WIPF2: variants seen among roughly 807,000 people sequenced by gnomAD.
The protein encoded by WIPF2 is WAS/WASL interacting protein family member 2.
A neutral mutation model predicts 38.8 loss-of-function variants in WIPF2; 23 were observed. The ratio of observed to expected loss-of-function variants is 0.59; its 90% confidence interval spans 0.43 to 0.84. WIPF2 has a LOEUF of 0.84. Ranked by LOEUF, WIPF2 falls within the 40% of genes least tolerant of loss-of-function variation. The pLI, the probability that WIPF2 is intolerant of heterozygous loss-of-function variation, is 0.00. For synonymous variants in WIPF2, 210 were observed against 223.2 expected (o/e 0.94, Z 0.53); for missense variants, 574 against 580.5 (o/e 0.99, Z 0.11).
intron 1 of WIPF2, among the ~76,000 whole-genome samples, chr17:40,244,885 A>T (rs1039086409): frequency 6.6e-6 from 1 of 151,510 alleles, no homozygotes; most frequent in African/African-American, 2.4e-5. Context: ...AGAGCCAGAT[A>T]CTCTCCCCCA....
chr17:40,228,181 A>G lies in WIPF2; in HGVS notation c.-70+8689A>G, dbSNP rs559309643. Among the ~76,000 whole-genome samples, 452 of 149,838 alleles carry G rather than the reference A, an allele frequency of 3.0e-3. 2 individuals carry two copies. Among genetic ancestry groups the G allele is most frequent in the African/African-American group, 0.011 (432 of 40,810 alleles). On this transcript the variant is annotated intron_variant, in intron 1 of 7. Coordinates refer to ENST00000323571, the MANE Select transcript of WIPF2 (RefSeq NM_133264.5). ...CAGGCGCCCGCCACTACGCCCGGCT[A>G]ATTTTTTGTATTTTTAGTAGAGACG... is the stretch of plus-strand genomic sequence containing the variant.
In WIPF2 at chr17:40,219,397, G is replaced by GCGA. The variant is rs760099763; in HGVS notation, c.-162_-160dup. ...GGCGGCGGCGGCGGCGGCGGCGGCGGCGACGGCGAGAAAGAGCTTGCCGGG... is the reference window on the plus strand; with the variant it reads ...GGCGGCGGCGGCGGCGGCGGCGGCGGCGACGACGGCGAGAAAGAGCTTGCCGGG... On this transcript the variant is annotated 5_prime_UTR_variant, in exon 1 of 8. Coordinates refer to ENST00000323571, the MANE Select transcript of WIPF2 (RefSeq NM_133264.5). The GCGA allele has an allele frequency of 3.5e-4, 146 of 415,372 alleles. 1 individual carries two copies. Among genetic ancestry groups the GCGA allele is most frequent in the Admixed American group, 1.1e-3 (28 of 26,300 alleles). The allele number at this position is 415,372 out of a possible 1,614,324, so 25.7% of individuals were successfully genotyped here. A position where few individuals can be genotyped will look rare whatever the true frequency, so the allele number is the denominator to read the frequency against.
chr17:40,256,887 CGTTGGA>C (rs2031745495), intron 2 of WIPF2, among the ~76,000 whole-genome samples: 1 of 152,048 alleles, frequency 6.6e-6, no homozygotes, highest in South Asian at 2.1e-4. Flanking sequence ...GGACAGGTGG[CGTTGGA>C]GTTGGAGCTA....
At chr17:40,228,419 A>G (rs559179104) in intron 1 of WIPF2, among the ~76,000 whole-genome samples, 78 of 152,226 alleles carry the variant, frequency 5.1e-4, no homozygotes, top group Non-Finnish European at 8.4e-4. Flanking sequence ...TGCTATTACA[A>G]ACTATGCTGC....
At position 40,283,206 on chromosome 17, in the gene WIPF2, G is replaced by C. The variant is rs1259902185; in HGVS notation, c.*4981G>C. ...AAAAAAAAAAAATTCTAGAGTTCTAGTTACCCTTCCTGGGAGATTCTGATG... is the reference window on the plus strand; with the variant it reads ...AAAAAAAAAAAATTCTAGAGTTCTACTTACCCTTCCTGGGAGATTCTGATG... On this transcript the variant is annotated 3_prime_UTR_variant, in exon 8 of 8. Coordinates refer to ENST00000323571, the MANE Select transcript of WIPF2 (RefSeq NM_133264.5). The C allele has an allele frequency of 8.2e-6, 1 of 121,440 alleles. No individual in the cohort carries two copies. Among genetic ancestry groups the C allele is most frequent in the African/African-American group, 3.2e-5 (1 of 31,734 alleles). 7.5% of individuals were successfully genotyped at this position (121,440 alleles called of 1,614,324 possible). A position where few individuals can be genotyped will look rare whatever the true frequency, so the allele number is the denominator to read the frequency against.
chr17:40,264,559 C>T lies in WIPF2; in HGVS notation c.383C>T (p.Ser128Phe). 6.2e-7 allele frequency: 1 copy of T among 1,614,124 alleles called. No homozygotes were observed. The highest frequency in any genetic ancestry group is 8.5e-7 in the Non-Finnish European group (1 of 1,180,026). Reference protein sequence around the residue: ...SRAAAPRPPVSAASGRPQDDT... With the variant: ...SRAAAPRPPVFAASGRPQDDT... The stretch of plus-strand genomic sequence containing the variant: ...GCTGCTGCCCCAAGGCCTCCAGTAT[C>T]TGCCGCCAGCGGGCGTCCTCAGGAT... The change falls in exon 5 of 8, where the codon TCT (serine) becomes TTT (phenylalanine). Residue 128 changes from serine to phenylalanine, a missense_variant. Physicochemically the swap from Ser to Phe is radical, Grantham distance 155. Coordinates refer to ENST00000323571, the MANE Select transcript of WIPF2 (RefSeq NM_133264.5).
At position 40,273,807 on chromosome 17, in the gene WIPF2, C is replaced by A. The variant is rs189784680; in HGVS notation, c.988C>A (p.Pro330Thr). The change falls in exon 6 of 8, where the codon CCT becomes ACT. Residue 330 changes from proline to threonine, a missense_variant. By Grantham distance (38) the Pro-to-Thr change is conservative. Coordinates refer to ENST00000323571, the MANE Select transcript of WIPF2 (RefSeq NM_133264.5). ...SRGAAPPPPP[P>T]VIRNGARDAP... ...AATTGCAGCTCCTCCACCCCCACCA[C>A]CTGTGATCCGAAATGGTGCCAGGGA... 90 of 1,607,844 alleles carry A rather than the reference C, an allele frequency of 5.6e-5. No individual in the cohort carries two copies. In the East Asian group the frequency reaches 1.9e-3, roughly 33 times the overall value.
At chr17:40,270,218 G>A (rs958744365) in intron 5 of WIPF2, among the ~76,000 whole-genome samples, 1 of 151,372 alleles carries the variant, frequency 6.6e-6, no homozygotes, top group African/African-American at 2.4e-5. Flanking sequence ...ATACAAAAAT[G>A]AGCCGGGCGT....
intron 1 of WIPF2, among the ~76,000 whole-genome samples, chr17:40,226,014 C>T: frequency 6.6e-6 from 1 of 151,956 alleles, no homozygotes; most frequent in Non-Finnish European, 1.5e-5. Flanking sequence ...TTTGAGGCCC[C>T]TCAGTGGAAA....
chr17:40,232,155 G>A (rs1555559810), intron 1 of WIPF2, among the ~76,000 whole-genome samples: 1 of 142,896 alleles, frequency 7.0e-6, no homozygotes, highest in Non-Finnish European at 1.5e-5. Flanking sequence ...TGGGATTGCA[G>A]GCACATGCCA....
At chr17:40,263,329 G>A (rs1444884082) in intron 4 of WIPF2, among the ~76,000 whole-genome samples, 1 of 151,876 alleles carries the variant, frequency 6.6e-6, no homozygotes, top group African/African-American at 2.4e-5. Context: ...AATGGGGTTC[G>A]CCCTCCTATG....
chr17:40,258,435 T>C (rs2031797032), intron 2 of WIPF2, among the ~76,000 whole-genome samples: 2 of 152,028 alleles, frequency 1.3e-5, no homozygotes, highest in African/African-American at 4.8e-5. Flanking sequence ...CTATTAAAAA[T>C]ACAAAAATTA....
intron 5 of WIPF2, among the ~76,000 whole-genome samples, chr17:40,269,173 A>T (rs1364540539): frequency 6.6e-6 from 1 of 152,114 alleles, no homozygotes. Context: ...TACAAAAATT[A>T]GCCAGGCATG....
At chr17:40,222,667 T>G (rs1157924840) in intron 1 of WIPF2, among the ~76,000 whole-genome samples, 5 of 93,608 alleles carry the variant, frequency 5.3e-5, no homozygotes, top group Admixed American at 9.8e-5. Flanking sequence ...TTTTTTTTTT[T>G]TTTTTTTTTT....
At chr17:40,263,325 G>T (rs1221423368) in intron 4 of WIPF2, among the ~76,000 whole-genome samples, 1 of 151,944 alleles carries the variant, frequency 6.6e-6, no homozygotes, top group Non-Finnish European at 1.5e-5. Context: ...TCACAATGGG[G>T]TTCGCCCTCC....
intron 4 of WIPF2, among the ~76,000 whole-genome samples, chr17:40,263,473 C>T (rs1040205270): frequency 2.0e-5 from 3 of 151,862 alleles, no homozygotes; most frequent in Non-Finnish European, 4.4e-5. Flanking sequence ...GTTGGCGACC[C>T]CTTATTATAC....
chr17:40,260,178 A>ATTTT (rs2031851040), intron 2 of WIPF2, among the ~76,000 whole-genome samples: 2 of 138,406 alleles, frequency 1.4e-5, no homozygotes, highest in African/African-American at 2.7e-5. Context: ...GATAAAGGGA[A>ATTTT]CTTTTTTTTT....
rs1223211152 is a variant in WIPF2 at position 40,254,124 on chromosome 17, C to T, written c.-69-2267C>T. Among the ~76,000 whole-genome samples the T allele has an allele frequency of 3.3e-5, 5 of 151,696 alleles. No homozygotes were observed. The East Asian group carries it at 7.7e-4, about 23-fold the overall frequency. ...CTCCGCCTCCCGGGTTCAAGCAACT[C>T]GGCTGCCTGAGCCTTCCAAGTAACT... On this transcript the variant is annotated intron_variant, in intron 1 of 7. Transcript: ENST00000323571.
At chr17:40,241,260 AGT>A (rs1276983808) in intron 1 of WIPF2, among the ~76,000 whole-genome samples, 1 of 152,168 alleles carries the variant, frequency 6.6e-6, no homozygotes, top group African/African-American at 2.4e-5. Flanking sequence ...CTTTTTTTAA[AGT>A]GTGTTTGTTT....
Sources: allele counts gnomAD v4.1 joint callset (sites outside exome capture counted in the v4.1 genomes callset), GRCh38; gene constraint gnomAD v4.1.1; transcripts MANE v1.5; gene names NCBI Gene and HGNC (gene_info 2026-07-23, HGNC 2026-07-21).